Variants in ARHGEF10L observed in about 807,000 individuals in gnomAD.
ARHGEF10L encodes the protein rho guanine nucleotide exchange factor 10-like protein.
ARHGEF10L carries 69 observed loss-of-function variants against 141.2 expected under a neutral mutation model. The observed-to-expected ratio is 0.49, with a 90% CI of 0.40 to 0.60. The LOEUF is 0.60. Among genes scored for constraint, ARHGEF10L ranks in the 20% least tolerant of loss-of-function variants. The pLI, the probability that ARHGEF10L is intolerant of heterozygous loss-of-function variation, is 0.00. For missense variants in ARHGEF10L, 1,482 were observed against 1,734.3 expected (o/e 0.85, Z 2.58); for synonymous variants, 711 against 718.5 (o/e 0.99, Z 0.17).
the ARHGEF10L span, among the ~76,000 whole-genome samples, chr1:17,517,664 C>T: frequency 4.6e-5 from 7 of 151,560 alleles, no homozygotes; most frequent in Non-Finnish European, 7.4e-5. Context: ...CATTATTATT[C>T]TTTTCTTTCT....
intron 26 of ARHGEF10L, among the ~76,000 whole-genome samples, chr1:17,671,519 A>G (rs539531855): frequency 6.6e-6 from 1 of 152,254 alleles, no homozygotes; most frequent in East Asian, 1.9e-4. Flanking sequence ...CCTTCCCCCA[A>G]GCAGATTTTC....
chr1:17,631,978 T>G (rs2060719726), intron 15 of ARHGEF10L, among the ~76,000 whole-genome samples: 1 of 152,172 alleles, frequency 6.6e-6, no homozygotes, highest in South Asian at 2.1e-4. Context: ...CCTCTGTAAC[T>G]CCAGAGCTGT....
chr1:17,660,218 C>T (rs1385541347), intron 25 of ARHGEF10L, among the ~76,000 whole-genome samples: 1 of 152,144 alleles, frequency 6.6e-6, no homozygotes, highest in South Asian at 2.1e-4. Flanking sequence ...GGTGGGGATG[C>T]GGGACTATCC....
chr1:17,634,895 C>T lies in ARHGEF10L; in HGVS notation c.1806C>T (p.Asn602=). The change falls in exon 18 of 29, where the codon AAC becomes AAT. Residue 602 remains asparagine, a synonymous_variant. Coordinates refer to ENST00000361221, the MANE Select transcript of ARHGEF10L (RefSeq NM_018125.4). ...PLGPKYVVKW[N]TALPQVQVVE... is the part of the protein sequence containing the mutation. The stretch of plus-strand genomic sequence containing the variant: ...GGCCCAAGTATGTGGTGAAGTGGAA[C>T]ACGGCGCTGCCCCAGGTGCAGGTGG... The T allele has an allele frequency of 6.2e-7, 1 of 1,614,124 alleles. No homozygotes were observed. The highest frequency in any genetic ancestry group is 8.5e-7 in the Non-Finnish European group (1 of 1,179,988).
chr1:17,689,917 G>T (rs1232316411), intron 27 of ARHGEF10L: 23 of 450,614 alleles, frequency 5.1e-5, no homozygotes, highest in South Asian at 3.2e-4. Flanking sequence ...ACTCCTGCCT[G>T]TACAACCCTG....
intron 1 of ARHGEF10L, among the ~76,000 whole-genome samples, chr1:17,546,854 A>T (rs1039508817): frequency 3.9e-5 from 6 of 152,204 alleles, no homozygotes; most frequent in Admixed American, 3.9e-4. Flanking sequence ...TCATAATTGC[A>T]GAGTGGCAGG....
intron 1 of ARHGEF10L, among the ~76,000 whole-genome samples, chr1:17,540,431 C>T (rs939137999): frequency 6.6e-6 from 1 of 152,096 alleles, no homozygotes; most frequent in Non-Finnish European, 1.5e-5. Flanking sequence ...GGACGGCCTC[C>T]TGCAGGAGGA....
intron 27 of ARHGEF10L, among the ~76,000 whole-genome samples, chr1:17,693,808 TTCTGGAATGCAGCCTAA>T (rs2065282637): frequency 6.6e-6 from 1 of 152,202 alleles, no homozygotes; most frequent in Non-Finnish European, 1.5e-5. Flanking sequence ...AGTGGAAACC[TTCTGGAATGCAGCCTAA>T]GCCTCTCCCA....
At chr1:17,630,407 C>T (rs2060613139) in intron 15 of ARHGEF10L, among the ~76,000 whole-genome samples, 1 of 152,246 alleles carries the variant, frequency 6.6e-6, no homozygotes, top group African/African-American at 2.4e-5. Context: ...TTTGGCAGCC[C>T]TTGGGGCGGG....
intron 3 of ARHGEF10L, among the ~76,000 whole-genome samples, chr1:17,587,854 C>T (rs765301439): frequency 9.2e-5 from 14 of 152,240 alleles, no homozygotes; most frequent in Non-Finnish European, 1.5e-4. Context: ...CGCACTTTGG[C>T]ACATTGTAAA....
intron 4 of ARHGEF10L, among the ~76,000 whole-genome samples, chr1:17,591,683 A>C (rs970725836): frequency 6.6e-6 from 1 of 151,850 alleles, no homozygotes; most frequent in African/African-American, 2.4e-5. Flanking sequence ...AAGTGCAGGG[A>C]TTATAGGCGT....
chr1:17,537,697 A>G (rs2076594996), upstream of ARHGEF10L, among the ~76,000 whole-genome samples: 2 of 152,014 alleles, frequency 1.3e-5, no homozygotes, highest in African/African-American at 2.4e-5. Context: ...GAGGCGTCAG[A>G]CATTTCAGGA....
chr1:17,686,898 C>T (rs1471145404), intron 26 of ARHGEF10L, among the ~76,000 whole-genome samples: 1 of 151,448 alleles, frequency 6.6e-6, no homozygotes, highest in Non-Finnish European at 1.5e-5. Context: ...AAGGCTCGTC[C>T]ACACTCCACA....
At chr1:17,602,328 C>A in intron 5 of ARHGEF10L, 110 bp downstream of exon 5, 1 of 1,291,962 alleles carries the variant, frequency 7.7e-7, no homozygotes, top group Non-Finnish European at 1.1e-6. Context: ...CAGGGTTCAT[C>A]CTCACCGGGG....
chr1:17,612,829 G>A (rs1339471745), intron 7 of ARHGEF10L, among the ~76,000 whole-genome samples: 1 of 152,212 alleles, frequency 6.6e-6, no homozygotes, highest in Non-Finnish European at 1.5e-5. Flanking sequence ...CAGAGACCCG[G>A]CCCCCAGCTG....
chr1:17,518,197 C>G, the ARHGEF10L span, among the ~76,000 whole-genome samples: 2 of 152,290 alleles, frequency 1.3e-5, no homozygotes, highest in South Asian at 4.1e-4. Context: ...GGCCCATGGG[C>G]CATAGTTTGC....
At chr1:17,541,812 A>T (rs1456289130) in intron 1 of ARHGEF10L, among the ~76,000 whole-genome samples, 1 of 152,090 alleles carries the variant, frequency 6.6e-6, no homozygotes, top group Non-Finnish European at 1.5e-5. Context: ...TACTAAAAAT[A>T]TAAAATTAGC....
intron 9 of ARHGEF10L, among the ~76,000 whole-genome samples, chr1:17,616,676 G>A (rs2059826987): frequency 2.0e-5 from 3 of 152,240 alleles, no homozygotes; most frequent in African/African-American, 2.4e-5. Context: ...CACAGCGCGG[G>A]AGACAGGCAC....
chr1:17,619,342 A>G lies in ARHGEF10L; in HGVS notation c.839A>G (p.Asp280Gly). 6.2e-7 allele frequency: 1 copy of G among 1,612,658 alleles called. No individual in the cohort carries two copies. The highest frequency in any genetic ancestry group is 8.5e-7 in the Non-Finnish European group (1 of 1,179,718). Reference sequence around the variant, plus strand: ...ATCGGCCCATCTGACTTTCCAGGTGACTCGGAGGAGGAGGACATGGGGCTC... The same window carrying G: ...ATCGGCCCATCTGACTTTCCAGGTGGCTCGGAGGAGGAGGACATGGGGCTC... ...SFLHRKDVLGDSEEEDMGLLE... is the reference protein window; with the variant it reads ...SFLHRKDVLGGSEEEDMGLLE... Residue 280 changes from aspartate (D) to glycine (G), a missense_variant, in exon 10 of 29, where the codon GAC becomes GGC. Coordinates refer to ENST00000361221, the MANE Select transcript of ARHGEF10L (RefSeq NM_018125.4). The surrounding 1 kb of genome is among the most constrained non-coding windows in gnomAD (Gnocchi z 5.0).
Sources: allele counts gnomAD v4.1 joint callset (sites outside exome capture counted in the v4.1 genomes callset), GRCh38; gene constraint gnomAD v4.1.1; non-coding constraint Gnocchi (gnomAD v3.1); transcripts MANE v1.5; gene names NCBI Gene and HGNC (gene_info 2026-07-23, HGNC 2026-07-21).